Variants in MAGI2 observed in about 807,000 individuals in gnomAD.
MAGI2 encodes the protein membrane-associated guanylate kinase, WW and PDZ domain-containing protein 2.
In MAGI2, 35 loss-of-function variants were observed where a neutral mutation model predicts 133.3. The observed-to-expected ratio is 0.26, with a 90% CI of 0.20 to 0.35. The LOEUF (loss-of-function observed/expected upper bound fraction) is 0.35. Ranked by LOEUF, MAGI2 falls within the 10% of genes least tolerant of loss-of-function variation. The pLI, the probability that MAGI2 is intolerant of heterozygous loss-of-function variation, is 1.00. For missense variants in MAGI2, 1,636 were observed against 1,863.4 expected (o/e 0.88, Z 2.25); for synonymous variants, 729 against 710.6 (o/e 1.03, Z -0.41).
At chr7:78,813,665 G>A (rs1301929170) in intron 2 of MAGI2, among the ~76,000 whole-genome samples, 2 of 151,506 alleles carry the variant, frequency 1.3e-5, no homozygotes, top group East Asian at 1.9e-4. Flanking sequence ...GGGCGCCTGT[G>A]GTCCCAGCCA....
chr7:78,628,411 C>A (rs971157598), intron 2 of MAGI2, among the ~76,000 whole-genome samples: 1 of 152,048 alleles, frequency 6.6e-6, no homozygotes, highest in Non-Finnish European at 1.5e-5. Context: ...TTTTTGTTCT[C>A]TGCATTTGAA....
intron 21 of MAGI2, among the ~76,000 whole-genome samples, chr7:78,066,509 C>G (rs1813844038): frequency 6.7e-6 from 1 of 150,214 alleles, no homozygotes; most frequent in South Asian, 2.1e-4. Context: ...TAATTGCTTT[C>G]TGGAAGAAAA....
intron 6 of MAGI2, chr7:78,486,104 G>A (rs76456921): frequency 1.3e-5 from 2 of 152,084 alleles, no homozygotes; most frequent in East Asian, 1.9e-4. Flanking sequence ...GAAGAAGGCC[G>A]CTGCTGGACA....
intron 21 of MAGI2, among the ~76,000 whole-genome samples, chr7:78,076,470 A>T (rs1360884202): frequency 1.3e-5 from 2 of 151,786 alleles, no homozygotes; most frequent in African/African-American, 4.8e-5. Flanking sequence ...AAAAAAAAAA[A>T]AAAGGTGTGC....
chr7:79,418,632 A>G lies in MAGI2; in HGVS notation c.301+34388T>C, dbSNP rs551584808. Among the ~76,000 whole-genome samples the G allele has an allele frequency of 7.2e-5, 11 of 152,124 alleles. No individual in the cohort carries two copies. The East Asian group carries it at 2.1e-3, about 29-fold the overall frequency. On this transcript the variant is annotated intron_variant, in intron 1 of 21. Coordinates refer to ENST00000354212, the MANE Select transcript of MAGI2 (RefSeq NM_012301.4). Reference sequence around the variant, plus strand: ...CATTTACCATTTGCCATGCTCTGGAATTGGTCTTTCTACAGGGAAGAAGGC... The same window carrying G: ...CATTTACCATTTGCCATGCTCTGGAGTTGGTCTTTCTACAGGGAAGAAGGC...
At chr7:78,789,105 ATGTG>A (rs1287102879) in intron 2 of MAGI2, among the ~76,000 whole-genome samples, 1 of 152,100 alleles carries the variant, frequency 6.6e-6, no homozygotes, top group East Asian at 1.9e-4. Flanking sequence ...TATTCATTTT[ATGTG>A]CTTCCATTTT....
intron 1 of MAGI2, among the ~76,000 whole-genome samples, chr7:79,227,187 C>CTA (rs1312332239): frequency 6.6e-6 from 1 of 152,162 alleles, no homozygotes; most frequent in Non-Finnish European, 1.5e-5. Context: ...TCTATTATCA[C>CTA]TAAGCTGTTG....
intron 7 of MAGI2, chr7:78,350,500 G>A (rs1210680930): frequency 6.6e-6 from 1 of 152,232 alleles, no homozygotes; most frequent in Non-Finnish European, 1.5e-5. Flanking sequence ...CTGAGAATGT[G>A]TGAAGAGGTG....
chr7:79,425,845 C>T (rs1331761298), intron 1 of MAGI2, among the ~76,000 whole-genome samples: 3 of 151,938 alleles, frequency 2.0e-5, no homozygotes, highest in Non-Finnish European at 4.4e-5. Context: ...GCTTCAATGA[C>T]TATTTGCCTC....
At chr7:78,350,735 G>A (rs1375001524) in intron 7 of MAGI2, among the ~76,000 whole-genome samples, 1 of 152,164 alleles carries the variant, frequency 6.6e-6, no homozygotes, top group Non-Finnish European at 1.5e-5. Flanking sequence ...TTTCTTCATT[G>A]TGGAGAGGAA....
intron 21 of MAGI2, among the ~76,000 whole-genome samples, chr7:78,061,077 T>C (rs1206162941): frequency 1.3e-5 from 2 of 151,018 alleles, no homozygotes; most frequent in African/African-American, 4.9e-5. Context: ...GAGGTGAGAA[T>C]TGCCTGAACC....
chr7:79,142,637 T>C (rs918809368), intron 1 of MAGI2, among the ~76,000 whole-genome samples: 2 of 152,162 alleles, frequency 1.3e-5, no homozygotes, highest in Admixed American at 1.3e-4. Context: ...TGTAGTTTAA[T>C]CTTAAAAGAT....
intron 2 of MAGI2, among the ~76,000 whole-genome samples, chr7:78,855,006 C>T (rs960418044): frequency 3.1e-4 from 46 of 148,486 alleles, no homozygotes; most frequent in Admixed American, 2.1e-3. Context: ...GCGCTTACCA[C>T]GACGCCCAGC....
intron 1 of MAGI2, among the ~76,000 whole-genome samples, chr7:79,186,521 T>A (rs1416845939): frequency 6.7e-6 from 1 of 149,032 alleles, no homozygotes; most frequent in Non-Finnish European, 1.5e-5. Flanking sequence ...TTCACAGATA[T>A]ACACACATAC....
chr7:79,377,420 G>A (rs373290186), intron 1 of MAGI2, among the ~76,000 whole-genome samples: 19 of 151,702 alleles, frequency 1.3e-4, no homozygotes, highest in African/African-American at 2.7e-4. Flanking sequence ...AGCATTTTCC[G>A]CTGGAGGACG....
At chr7:78,574,509 C>T (rs12705616) in intron 3 of MAGI2, among the ~76,000 whole-genome samples, 39,020 of 152,078 alleles carry the variant, frequency 0.26, 5,108 homozygotes, top group Middle Eastern at 0.33. Flanking sequence ...TCCAAGACTT[C>T]TATAATTTTA....
rs551791292 is a variant in MAGI2, at chr7:78,140,445, G to A, written c.2846-5239C>T. 5.1e-4 allele frequency among the ~76,000 whole-genome samples: 78 copies of A among 152,252 alleles called. 3 individuals are homozygous for A. The South Asian group carries it at 0.016, about 31-fold the overall frequency. On this transcript the variant is annotated intron_variant, in intron 16 of 21. Coordinates refer to ENST00000354212, the MANE Select transcript of MAGI2 (RefSeq NM_012301.4). ...AAAAAGGCAAAGTGGATTTTGCATC[G>A]ATCATGCCAAACTTACAAGAGGGAA...
intron 18 of MAGI2, among the ~76,000 whole-genome samples, chr7:78,132,466 TGGGCCCCAGCCACC>T (rs1821664020): frequency 2.0e-5 from 3 of 152,182 alleles, no homozygotes; most frequent in Non-Finnish European, 2.9e-5. Flanking sequence ...CCCTTTAGGG[TGGGCCCCAGCCACC>T]CTCACTGGCT....
At chr7:79,007,257 C>T (rs1221209873) in intron 1 of MAGI2, 51 bp from the exon 2 acceptor site, 4 of 1,065,696 alleles carry the variant, frequency 3.8e-6, no homozygotes, top group Non-Finnish European at 5.7e-6. Flanking sequence ...ATATTTTAAG[C>T]ATGTAATTTG....
Sources: gnomAD v4.1 joint callset for allele counts (sites outside exome capture counted in the v4.1 genomes callset) on GRCh38, gnomAD v4.1.1 for gene constraint, MANE v1.5 for transcripts, NCBI Gene and HGNC (gene_info 2026-07-23, HGNC 2026-07-21) for gene names.